Variants in ZCCHC17 observed in about 807,000 individuals in gnomAD.
ZCCHC17 encodes zinc finger CCHC-type containing 17.
In ZCCHC17, 18 loss-of-function variants were observed where a neutral mutation model predicts 30.6. The observed-to-expected ratio is 0.59, with a 90% CI of 0.41 to 0.87. The LOEUF is 0.87. Ranked by LOEUF, ZCCHC17 falls within the 40% of genes least tolerant of loss-of-function variation. The pLI is 0.00. For missense variants in ZCCHC17, 263 were observed against 284.2 expected (o/e 0.93, Z 0.54); for synonymous variants, 88 against 92.4 (o/e 0.95, Z 0.27).
chr1:31,317,116 C>G (rs184656241), intron 2 of ZCCHC17, among the ~76,000 whole-genome samples: 66 of 151,266 alleles, frequency 4.4e-4, no homozygotes, highest in African/African-American at 1.5e-3. Flanking sequence ...CCTCTGCTTC[C>G]CAGGTTCAAG....
intron 7 of ZCCHC17, among the ~76,000 whole-genome samples, chr1:31,349,302 T>A (rs1254005419): frequency 6.6e-6 from 1 of 152,206 alleles, no homozygotes; most frequent in Admixed American, 6.5e-5. Context: ...AGATCTTCTG[T>A]AACCTTTCTA....
chr1:31,364,009 G>C, intron 7 of ZCCHC17, 23 bp from the exon 8 acceptor site: 3 of 1,607,236 alleles, frequency 1.9e-6, no homozygotes, highest in Non-Finnish European at 2.5e-6. Flanking sequence ...ATACAGTGTT[G>C]ATTTTTAAAA....
At chr1:31,320,440 A>C (rs1646834831) in intron 3 of ZCCHC17, among the ~76,000 whole-genome samples, 1 of 152,176 alleles carries the variant, frequency 6.6e-6, no homozygotes, top group African/African-American at 2.4e-5. Context: ...TTGTCACCCC[A>C]AAAAGAAACC....
At chr1:31,306,764 C>T (rs1646469504) in intron 1 of ZCCHC17, among the ~76,000 whole-genome samples, 1 of 152,118 alleles carries the variant, frequency 6.6e-6, no homozygotes, top group Admixed American at 6.5e-5. Context: ...ATCTCCTTGG[C>T]TCAAGCGATC....
At chr1:31,320,766 G>C (rs1469686439) in intron 3 of ZCCHC17, among the ~76,000 whole-genome samples, 2 of 151,956 alleles carry the variant, frequency 1.3e-5, no homozygotes, top group Non-Finnish European at 2.9e-5. Context: ...ACAACTTTTT[G>C]TGTGGATATT....
At chr1:31,346,989 T>A (rs1639298363) in intron 6 of ZCCHC17, among the ~76,000 whole-genome samples, 1 of 152,166 alleles carries the variant, frequency 6.6e-6, no homozygotes, top group Non-Finnish European at 1.5e-5. Context: ...CCACAGCATA[T>A]GCCTTGTCTG....
chr1:31,334,021 T>C (rs1400489262), intron 3 of ZCCHC17, among the ~76,000 whole-genome samples: 2 of 152,220 alleles, frequency 1.3e-5, no homozygotes, highest in African/African-American at 4.8e-5. Flanking sequence ...ATTAGGCTAG[T>C]TGGCTCATTA....
intron 6 of ZCCHC17, among the ~76,000 whole-genome samples, chr1:31,348,524 A>T (rs1159664396): frequency 6.6e-6 from 1 of 152,230 alleles, no homozygotes; most frequent in Non-Finnish European, 1.5e-5. Context: ...GATCTTAAAA[A>T]ATTAATAAGC....
At chr1:31,334,689 G>C (rs1244738200) in intron 3 of ZCCHC17, among the ~76,000 whole-genome samples, 1 of 151,862 alleles carries the variant, frequency 6.6e-6, no homozygotes, top group Non-Finnish European at 1.5e-5. Context: ...TTGTTATTTA[G>C]TATGGGAAAA....
At position 31,316,655 on chromosome 1, in the gene ZCCHC17, C is replaced by T. The variant is rs192058866; in HGVS notation, c.67-2454C>T. Reference sequence around the variant, plus strand: ...ACTTTTTATCTCTGATCTCTACGTTCCTCATTTGAAACATGGTAGAACTGG... The same window carrying T: ...ACTTTTTATCTCTGATCTCTACGTTTCTCATTTGAAACATGGTAGAACTGG... On this transcript the variant is annotated intron_variant, in intron 2 of 7. Coordinates refer to ENST00000344147, the MANE Select transcript of ZCCHC17 (RefSeq NM_016505.4). Among the ~76,000 whole-genome samples, 317 of 152,276 alleles carry T rather than the reference C, an allele frequency of 2.1e-3. 2 individuals carry two copies. Among genetic ancestry groups the T allele is most frequent in the Middle Eastern group, 6.8e-3 (2 of 294 alleles).
chr1:31,299,711 G>GT, intron 1 of ZCCHC17, among the ~76,000 whole-genome samples: 1 of 152,320 alleles, frequency 6.6e-6, no homozygotes, highest in East Asian at 1.9e-4. Context: ...TTCTGCCAAA[G>GT]TCTTTTATTG....
rs58221420 is a variant in ZCCHC17 at position 31,361,223 on chromosome 1, T to C, written c.565-2809T>C. On this transcript the variant is annotated intron_variant, in intron 7 of 7. Coordinates refer to ENST00000344147, the MANE Select transcript of ZCCHC17 (RefSeq NM_016505.4). Reference sequence around the variant, plus strand: ...GGGTCTGAGAAGCTTTGTTGCCTTCTCTCTACTCCATTGGAGATGCCAAGG... The same window carrying C: ...GGGTCTGAGAAGCTTTGTTGCCTTCCCTCTACTCCATTGGAGATGCCAAGG... 4.8e-3 allele frequency among the ~76,000 whole-genome samples: 730 copies of C among 152,338 alleles called. 10 individuals are homozygous for C. Among genetic ancestry groups the C allele is most frequent in the African/African-American group, 0.016 (678 of 41,568 alleles).
chr1:31,313,219 C>T (rs1034641893), intron 2 of ZCCHC17, among the ~76,000 whole-genome samples: 1 of 151,914 alleles, frequency 6.6e-6, no homozygotes, highest in Non-Finnish European at 1.5e-5. Context: ...GCTGGGACTA[C>T]AGGCACACAC....
At chr1:31,317,909 C>T (rs1272379806) in intron 2 of ZCCHC17, among the ~76,000 whole-genome samples, 1 of 152,174 alleles carries the variant, frequency 6.6e-6, no homozygotes, top group East Asian at 1.9e-4. Flanking sequence ...GACCTATGAG[C>T]AGCTCTAGTG....
intron 3 of ZCCHC17, among the ~76,000 whole-genome samples, chr1:31,328,717 A>C (rs1316475137): frequency 3.3e-5 from 5 of 151,992 alleles, no homozygotes; most frequent in Non-Finnish European, 5.9e-5. Context: ...GGGAGCTTTC[A>C]TGCTCTCTGG....
At chr1:31,310,213 T>G in intron 2 of ZCCHC17, 49 bp downstream of exon 2, 3 of 1,590,022 alleles carry the variant, frequency 1.9e-6, no homozygotes, top group Non-Finnish European at 1.7e-6. Context: ...TAAAATAGAT[T>G]AAGGGTGACA....
intron 7 of ZCCHC17, among the ~76,000 whole-genome samples, chr1:31,361,403 C>CT (rs1639888521): frequency 1.3e-5 from 2 of 152,194 alleles, no homozygotes; most frequent in African/African-American, 4.8e-5. Context: ...TAGTGCTTAT[C>CT]TTGTTTAAAC....
chr1:31,325,294 T>C (rs1157676473), intron 3 of ZCCHC17, among the ~76,000 whole-genome samples: 1 of 152,242 alleles, frequency 6.6e-6, no homozygotes, highest in East Asian at 1.9e-4. Flanking sequence ...GTTGTCTGCT[T>C]ACCTCATTCT....
chr1:31,305,651 A>G (rs1429147347), intron 1 of ZCCHC17, among the ~76,000 whole-genome samples: 1 of 151,898 alleles, frequency 6.6e-6, no homozygotes, highest in African/African-American at 2.4e-5. Flanking sequence ...TGTGTTGCCC[A>G]GGCTGGCCTC....
Sources: gnomAD v4.1 joint callset for allele counts (sites outside exome capture counted in the v4.1 genomes callset) on GRCh38, gnomAD v4.1.1 for gene constraint, MANE v1.5 for transcripts, NCBI Gene and HGNC (gene_info 2026-07-23, HGNC 2026-07-21) for gene names.